Variants in KATNAL2 observed in about 807,000 individuals in gnomAD.
KATNAL2 encodes katanin catalytic subunit A1 like 2.
Under a neutral mutation model 76.3 loss-of-function variants are expected in KATNAL2, and 52 were observed. The observed-to-expected ratio is 0.68, with a 90% CI of 0.55 to 0.86. The LOEUF (loss-of-function observed/expected upper bound fraction) is 0.86, where lower values mean the gene tolerates loss of function less well. KATNAL2 is among the 40% of genes least tolerant of loss of function. The pLI, the probability that KATNAL2 is intolerant of heterozygous loss-of-function variation, is 0.00. For synonymous variants in KATNAL2, 243 were observed against 244.2 expected, an observed-to-expected ratio of 1.00 and a Z score of 0.05; for missense variants, 660 against 668.9, an observed-to-expected ratio of 0.99 and a Z score of 0.15.
At chr18:47,079,456 A>C (rs539066060) in intron 15 of KATNAL2, among the ~76,000 whole-genome samples, 1 of 150,910 alleles carries the variant, frequency 6.6e-6, no homozygotes, top group Non-Finnish European at 1.5e-5. Flanking sequence ...GTGCAATGGC[A>C]CGATCTCGGC....
chr18:47,081,293 T>A (rs2062508211), intron 15 of KATNAL2, among the ~76,000 whole-genome samples: 1 of 152,214 alleles, frequency 6.6e-6, no homozygotes, highest in South Asian at 2.1e-4. Context: ...AATAGAAATA[T>A]ATTGTGAGGC....
Position 47,101,075 on chromosome 18 carries a change from A to G in KATNAL2, c.*70A>G. The G allele has an allele frequency of 3.2e-6, 5 of 1,539,522 alleles. No homozygotes were observed. The South Asian group carries it at 5.7e-5, about 17-fold the overall frequency. On this transcript the variant is annotated 3_prime_UTR_variant, in exon 18 of 18. Transcript: ENST00000683218. ...CTCCTAGTTTATTAATGTCCGTGGG[A>G]GAACAAAATGATTGGAATGGAAAAG...
At chr18:47,053,103 T>C (rs1233124371) in intron 5 of KATNAL2, 57 bp downstream of exon 5, 3 of 1,391,922 alleles carry the variant, frequency 2.2e-6, no homozygotes, top group Non-Finnish European at 2.9e-6. Flanking sequence ...TTAGTGTTTC[T>C]TTCTCATCTT....
At chr18:47,087,997 C>T (rs1031837932) in intron 15 of KATNAL2, among the ~76,000 whole-genome samples, 3 of 152,154 alleles carry the variant, frequency 2.0e-5, no homozygotes, top group Non-Finnish European at 4.4e-5. Flanking sequence ...CTGTTGAACA[C>T]CTTTTCCCAC....
At chr18:47,032,374 G>T (rs2060508905) in intron 3 of KATNAL2, among the ~76,000 whole-genome samples, 1 of 152,180 alleles carries the variant, frequency 6.6e-6, no homozygotes, top group Admixed American at 6.5e-5. Context: ...AGCCCTTTAA[G>T]AAGCTGGGAC....
At chr18:47,042,479 T>G (rs888100942) in intron 3 of KATNAL2, among the ~76,000 whole-genome samples, 9 of 152,200 alleles carry the variant, frequency 5.9e-5, no homozygotes, top group African/African-American at 2.2e-4. Flanking sequence ...ACCTGCCTAC[T>G]TACATTGCAA....
chr18:46,961,879 G>C (rs1038383185), intron 3 of KATNAL2, among the ~76,000 whole-genome samples: 5 of 152,172 alleles, frequency 3.3e-5, no homozygotes, highest in Non-Finnish European at 7.3e-5. Flanking sequence ...GCCTGCAACC[G>C]TATGATATGA....
intron 15 of KATNAL2, among the ~76,000 whole-genome samples, chr18:47,083,058 A>T (rs2062604640): frequency 6.6e-6 from 1 of 152,208 alleles, no homozygotes; most frequent in Non-Finnish European, 1.5e-5. Flanking sequence ...ATATATGATG[A>T]TCCCAAACTT....
intron 15 of KATNAL2, among the ~76,000 whole-genome samples, chr18:47,088,790 C>T (rs1808386234): frequency 6.6e-6 from 1 of 152,190 alleles, no homozygotes; most frequent in East Asian, 1.9e-4. Flanking sequence ...CTGTGGGATT[C>T]TTGCATGGGT....
intron 6 of KATNAL2, among the ~76,000 whole-genome samples, chr18:47,054,959 T>C (rs1337241807): frequency 6.6e-6 from 1 of 152,262 alleles, no homozygotes; most frequent in African/African-American, 2.4e-5. Flanking sequence ...CATTCTTCTC[T>C]TGCTTTTCCC....
At position 47,099,297 on chromosome 18, in the gene KATNAL2, C is replaced by T. The variant is rs1180607215; in HGVS notation, c.1266C>T (p.Leu422=). 2 of 1,614,172 alleles carry T rather than the reference C, an allele frequency of 1.2e-6. No individual in the cohort carries two copies. Among genetic ancestry groups the T allele is most frequent in the Non-Finnish European group, 1.7e-6 (2 of 1,180,014 alleles). Residue 422 remains leucine, a synonymous_variant, in exon 16 of 18, where the codon CTC becomes CTT. Coordinates refer to ENST00000683218, the MANE Select transcript of KATNAL2 (RefSeq NM_001387690.1). ...RRLEKRILVD[L]PSREARQAMI... Reference sequence around the variant, plus strand: ...TGGAGAAGAGGATTCTGGTCGATCTCCCCAGCCGGGAGGCCAGGCAGGCCA... The same window carrying T: ...TGGAGAAGAGGATTCTGGTCGATCTTCCCAGCCGGGAGGCCAGGCAGGCCA...
At chr18:47,044,686 G>A (rs777332925) in intron 3 of KATNAL2, among the ~76,000 whole-genome samples, 3 of 151,526 alleles carry the variant, frequency 2.0e-5, no homozygotes, top group South Asian at 2.1e-4. Context: ...GCTTGAACCC[G>A]GGAGGCAGAG....
intron 1 of KATNAL2, among the ~76,000 whole-genome samples, chr18:46,934,566 AG>A (rs1424795061): frequency 1.3e-5 from 2 of 152,168 alleles, no homozygotes; most frequent in Non-Finnish European, 2.9e-5. Flanking sequence ...TCAGATGAGT[AG>A]GTTGCAAAAA....
At chr18:47,043,098 G>T (rs2061018819) in intron 3 of KATNAL2, among the ~76,000 whole-genome samples, 1 of 151,948 alleles carries the variant, frequency 6.6e-6, no homozygotes. Flanking sequence ...GTGGTGGCGG[G>T]CGTCTGTAGT....
chr18:46,918,870 A>G (rs1004427180), intron 1 of KATNAL2, among the ~76,000 whole-genome samples: 2 of 151,946 alleles, frequency 1.3e-5, no homozygotes, highest in African/African-American at 4.8e-5. Context: ...CACATCCCAC[A>G]TTTTAATTCA....
intron 15 of KATNAL2, among the ~76,000 whole-genome samples, chr18:47,088,230 T>TTGGGATAGA (rs1233150510): frequency 6.6e-6 from 1 of 152,212 alleles, no homozygotes; most frequent in Non-Finnish European, 1.5e-5. Flanking sequence ...CTGCATTCTA[T>TTGGGATAGA]TGGGATAGAT....
intron 15 of KATNAL2, among the ~76,000 whole-genome samples, chr18:47,095,619 A>G (rs535312953): frequency 1.3e-5 from 2 of 152,242 alleles, no homozygotes; most frequent in African/African-American, 4.8e-5. Flanking sequence ...GGACTAATAC[A>G]GTGTTTTTAT....
intron 3 of KATNAL2, chr18:47,034,515 C>T (rs1402787971): frequency 1.2e-6 from 2 of 1,614,086 alleles, no homozygotes; most frequent in Admixed American, 3.3e-5. Flanking sequence ...ATGATTTCTC[C>T]CTGATCAAAG....
intron 13 of KATNAL2, among the ~76,000 whole-genome samples, chr18:47,071,953 C>CATTTTTTTT (rs2062020246): frequency 2.3e-5 from 1 of 43,950 alleles, no homozygotes; most frequent in Non-Finnish European, 3.6e-5. Flanking sequence ...CCAATTTCTT[C>CATTTTTTTT]TTTTTTTTTT....
Sources: gnomAD v4.1 joint callset for allele counts (sites outside exome capture counted in the v4.1 genomes callset) on GRCh38, gnomAD v4.1.1 for gene constraint, MANE v1.5 for transcripts, NCBI Gene and HGNC (gene_info 2026-07-23, HGNC 2026-07-21) for gene names.